The following GPC5 variants were observed in gnomAD, a reference collection of about 807,000 sequenced individuals.
GPC5 encodes glypican 5.
In GPC5, 47 loss-of-function variants were observed where a neutral mutation model predicts 53.9. The ratio of observed to expected loss-of-function variants is 0.87; its 90% CI spans 0.69 to 1.11. The LOEUF (loss-of-function observed/expected upper bound fraction) is 1.11. GPC5 is among the 50% of genes most tolerant of loss of function. The pLI is 0.00. For missense variants in GPC5, 748 were observed against 713.1 expected (o/e 1.05, Z -0.56); for synonymous variants, 286 against 263.3 (o/e 1.09, Z -0.84).
intron 7 of GPC5, among the ~76,000 whole-genome samples, chr13:92,713,530 C>T (rs1888217940): frequency 6.6e-6 from 1 of 150,488 alleles, no homozygotes; most frequent in African/African-American, 2.4e-5. Flanking sequence ...ATGGCGTGAA[C>T]CCAGGAGGCA....
Position 92,445,328 on chromosome 13 carries a change from A to G in GPC5, c.1561+300339A>G, listed in dbSNP as rs552592536. ...GTTTTATTTTATTTTATTTTATTTT[A>G]TTATACTTTAAGTTTTAGGGTACAT... On this transcript the variant is annotated intron_variant, in intron 7 of 7. Coordinates refer to ENST00000377067, the MANE Select transcript of GPC5 (RefSeq NM_004466.6). 2.2e-3 allele frequency among the ~76,000 whole-genome samples: 245 copies of G among 113,668 alleles called. 5 individuals carry two copies. In the East Asian group the frequency reaches 0.057, roughly 27 times the overall value. 74.6% of individuals were successfully genotyped at this position (113,668 alleles called of 152,430 possible).
In GPC5 at chr13:92,500,853, G is replaced by A. The variant is rs543456929; in HGVS notation, c.1561+355864G>A. On this transcript the variant is annotated intron_variant, in intron 7 of 7. Transcript: ENST00000377067. ...GCAAAAGAGTTAGATAAATAAATCCGCTGCTTTCTGGATAAAAGACCAAAA... is the reference window on the plus strand; with the variant it reads ...GCAAAAGAGTTAGATAAATAAATCCACTGCTTTCTGGATAAAAGACCAAAA... 8.1e-4 allele frequency among the ~76,000 whole-genome samples: 124 copies of A among 152,192 alleles called. No homozygotes were observed. The South Asian group carries it at 0.014, about 17-fold the overall frequency.
At chr13:91,779,324 C>T (rs937085645) in intron 5 of GPC5, among the ~76,000 whole-genome samples, 2 of 152,140 alleles carry the variant, frequency 1.3e-5, no homozygotes, top group Non-Finnish European at 1.5e-5. Flanking sequence ...AATATTTTCT[C>T]TATATTCTTA....
chr13:92,660,604 G>T (rs1886307208), intron 7 of GPC5, among the ~76,000 whole-genome samples: 1 of 151,016 alleles, frequency 6.6e-6, no homozygotes, highest in Non-Finnish European at 1.5e-5. Context: ...CATTATTGAT[G>T]GTTTCTTCTT....
chr13:92,697,302 T>G (rs1387701746), intron 7 of GPC5, among the ~76,000 whole-genome samples: 2 of 152,210 alleles, frequency 1.3e-5, no homozygotes, highest in Non-Finnish European at 2.9e-5. Flanking sequence ...ACAGCCATTT[T>G]CACGATATTG....
At chr13:92,031,677 A>G (rs1477772335) in intron 6 of GPC5, among the ~76,000 whole-genome samples, 1 of 87,554 alleles carries the variant, frequency 1.1e-5, no homozygotes, top group Non-Finnish European at 2.1e-5. Flanking sequence ...GGTATATATA[A>G]TATATATATA....
intron 2 of GPC5, among the ~76,000 whole-genome samples, chr13:91,501,511 T>G (rs1172113772): frequency 1.3e-5 from 2 of 152,158 alleles, no homozygotes; most frequent in Non-Finnish European, 2.9e-5. Context: ...TTTTTTGTCC[T>G]TGCAATAGTT....
intron 6 of GPC5, among the ~76,000 whole-genome samples, chr13:92,105,489 A>G (rs1178234321): frequency 6.6e-6 from 1 of 152,096 alleles, no homozygotes; most frequent in East Asian, 1.9e-4. Flanking sequence ...TTTGTTTAAA[A>G]TAGGAAAGTG....
chr13:92,486,820 G>A (rs1319859531), intron 7 of GPC5, among the ~76,000 whole-genome samples: 1 of 151,852 alleles, frequency 6.6e-6, no homozygotes, highest in African/African-American at 2.4e-5. Context: ...TCGTGGTCAT[G>A]TGGCTAGTGG....
intron 7 of GPC5, among the ~76,000 whole-genome samples, chr13:92,724,913 A>ACAC (rs1566386562): frequency 7.9e-5 from 7 of 88,874 alleles, no homozygotes; most frequent in African/African-American, 1.1e-4. Flanking sequence ...CACACACACA[A>ACAC]GAAAGAAAAA....
chr13:91,688,308 A>T (rs1017254237), intron 2 of GPC5, among the ~76,000 whole-genome samples: 1 of 152,180 alleles, frequency 6.6e-6, no homozygotes, highest in Non-Finnish European at 1.5e-5. Context: ...GGACAAAAAA[A>T]TTCAAAATAT....
At chr13:91,504,654 C>T (rs1457432361) in intron 2 of GPC5, among the ~76,000 whole-genome samples, 3 of 151,908 alleles carry the variant, frequency 2.0e-5, no homozygotes, top group Non-Finnish European at 2.9e-5. Context: ...ATGAAAACAC[C>T]GTGTGGTGTG....
intron 1 of GPC5, among the ~76,000 whole-genome samples, chr13:91,426,838 C>T (rs1879092352): frequency 6.6e-6 from 1 of 151,898 alleles, no homozygotes; most frequent in Admixed American, 6.6e-5. Context: ...TTGGCAGTAC[C>T]CACACAGACA....
intron 5 of GPC5, among the ~76,000 whole-genome samples, chr13:91,841,549 T>C (rs1251716704): frequency 1.3e-5 from 2 of 151,938 alleles, no homozygotes; most frequent in Admixed American, 1.3e-4. Flanking sequence ...ACTTAATGAT[T>C]ATAGATAGAA....
intron 7 of GPC5, among the ~76,000 whole-genome samples, chr13:92,407,626 T>C (rs1182703761): frequency 6.6e-6 from 1 of 152,206 alleles, no homozygotes; most frequent in Non-Finnish European, 1.5e-5. Context: ...TGTAGCTATA[T>C]GTAGCTATAC....
chr13:91,643,469 AC>A (rs2034483338), intron 2 of GPC5, among the ~76,000 whole-genome samples: 1 of 152,216 alleles, frequency 6.6e-6, no homozygotes, highest in South Asian at 2.1e-4. Context: ...CCTTTGTATG[AC>A]AAAAGGAATG....
chr13:91,754,091 C>T (rs547126792), intron 4 of GPC5, among the ~76,000 whole-genome samples: 9 of 152,074 alleles, frequency 5.9e-5, no homozygotes, highest in East Asian at 1.9e-4. Context: ...AAAGGTATGA[C>T]GGTGTGTTTG....
intron 7 of GPC5, among the ~76,000 whole-genome samples, chr13:92,343,053 A>G (rs13378737): frequency 0.015 from 2,278 of 152,308 alleles, 61 homozygotes; most frequent in African/African-American, 0.052. Context: ...AATACATGAA[A>G]CTATACCATA....
intron 7 of GPC5, among the ~76,000 whole-genome samples, chr13:92,756,547 G>A (rs899646896): frequency 6.6e-6 from 1 of 151,844 alleles, no homozygotes. Context: ...AATTGTCCCT[G>A]TTTGCAGACG....
Sources: allele counts gnomAD v4.1 joint callset (sites outside exome capture counted in the v4.1 genomes callset), GRCh38; gene constraint gnomAD v4.1.1; transcripts MANE v1.5; gene names NCBI Gene and HGNC (gene_info 2026-07-23, HGNC 2026-07-21).